Variants in EPHX2 observed in about 807,000 individuals in gnomAD.
The protein encoded by EPHX2 is epoxide hydrolase 2.
In EPHX2, 74 loss-of-function variants were observed where a neutral mutation model predicts 78.7. The ratio of observed to expected loss-of-function variants is 0.94; its 90% CI spans 0.78 to 1.14. The LOEUF is 1.14. EPHX2 is among the 50% of genes most tolerant of loss of function. The pLI is 0.00. For missense variants in EPHX2, 715 were observed against 702.5 expected (o/e 1.02, Z -0.20); for synonymous variants, 251 against 255.2 (o/e 0.98, Z 0.16).
rs1364851700 is a variant in EPHX2, at chr8:27,541,461, A to G, written c.1380-12A>G. The G allele has an allele frequency of 1.9e-6, 3 of 1,613,866 alleles. No individual in the cohort carries two copies. In the African/African-American group the frequency reaches 4.0e-5, roughly 22 times the overall value. ...ACTGCCTCCCTCTTTTTACTTTCTG[A>G]TCTCTCCCCAGAGGTCCTCTAAACT... On this transcript the variant is annotated splice_polypyrimidine_tract_variant and intron_variant, in intron 15 of 18. Transcript: ENST00000521400.
chr8:27,507,467 G>T (rs896619203), intron 5 of EPHX2, among the ~76,000 whole-genome samples: 12 of 152,152 alleles, frequency 7.9e-5, no homozygotes, highest in African/African-American at 2.7e-4. Context: ...CCCTGGGGTT[G>T]CCTGGGGATT....
intron 1 of EPHX2, chr8:27,493,178 A>C (rs1266432216): frequency 6.5e-6 from 1 of 154,646 alleles, no homozygotes; most frequent in African/African-American, 2.4e-5. Context: ...GAGTAATAGC[A>C]AGATGGCTGT....
At chr8:27,511,983 C>G in intron 6 of EPHX2, 73 bp downstream of exon 6, 2 of 1,451,450 alleles carry the variant, frequency 1.4e-6, no homozygotes, top group Non-Finnish European at 1.9e-6. Context: ...GCAGAGACAC[C>G]CAAGAGGCTG....
chr8:27,511,806 T>A (rs1357190672), intron 5 of EPHX2, 30 bp from the exon 6 acceptor site: 2 of 1,610,800 alleles, frequency 1.2e-6, no homozygotes, highest in Admixed American at 3.3e-5. Context: ...GCTGCTGCTG[T>A]CTCTCTCACT....
At chr8:27,522,962 CAAAAAAAAAAAAAAA>C (rs539360462) in intron 11 of EPHX2, among the ~76,000 whole-genome samples, 4 of 62,682 alleles carry the variant, frequency 6.4e-5, no homozygotes, top group African/African-American at 1.8e-4. Flanking sequence ...ACTCCGTTTC[CAAAAAAAAAAAAAAA>C]AAAAAAAAAA....
In EPHX2 at chr8:27,541,046, G is replaced by A. The variant is rs1815382585; in HGVS notation, c.1379+390G>A. 2.0e-5 allele frequency among the ~76,000 whole-genome samples: 3 copies of A among 152,134 alleles called. No homozygotes were observed. The South Asian group carries it at 6.2e-4, about 32-fold the overall frequency. ...CCTACTTCCTGATGTCATATTAGGA[G>A]GGGGCATCTTTGCTCCACCTCCCAA... On this transcript the variant is annotated intron_variant, in intron 15 of 18. Coordinates refer to ENST00000521400, the MANE Select transcript of EPHX2 (RefSeq NM_001979.6).
rs372752585 is a variant in EPHX2, at chr8:27,520,228, C to A, written c.946-655C>A. Reference sequence around the variant, plus strand: ...TTGCCCAGGCTAGAGTGCAGTGGTGCGATCTCAGCTCACTGCAACCTCCGC... The same window carrying A: ...TTGCCCAGGCTAGAGTGCAGTGGTGAGATCTCAGCTCACTGCAACCTCCGC... On this transcript the variant is annotated intron_variant, in intron 9 of 18. Coordinates refer to ENST00000521400, the MANE Select transcript of EPHX2 (RefSeq NM_001979.6). Among the ~76,000 whole-genome samples, 52 of 151,498 alleles carry A rather than the reference C, an allele frequency of 3.4e-4. No individual in the cohort carries two copies. In the East Asian group the frequency reaches 7.8e-3, roughly 23 times the overall value.
intron 14 of EPHX2, 37 bp downstream of exon 14, chr8:27,538,729 A>C: frequency 1.2e-6 from 2 of 1,605,370 alleles, no homozygotes; most frequent in East Asian, 4.5e-5. Flanking sequence ...ATCTGGAACC[A>C]GCTGAATGTT....
At position 27,537,517 on chromosome 8, in the gene EPHX2, A is replaced by G. The variant is rs374068386; in HGVS notation, c.1242+662A>G. On this transcript the variant is annotated intron_variant, in intron 13 of 18. Transcript: ENST00000521400. Reference sequence around the variant, plus strand: ...TTGCTTGTGAGTCAGCCTCGGGTCTAACCTCCTATACATTAATTGTCTTAG... The same window carrying G: ...TTGCTTGTGAGTCAGCCTCGGGTCTGACCTCCTATACATTAATTGTCTTAG... 8.5e-5 allele frequency among the ~76,000 whole-genome samples: 13 copies of G among 152,206 alleles called. No homozygotes were observed. In the East Asian group the frequency reaches 1.5e-3, roughly 18 times the overall value.
rs1295022720 is a variant in EPHX2 at position 27,511,411 on chromosome 8, T to TCAGTGGC, written c.661-414_661-408dup. On this transcript the variant is annotated intron_variant, in intron 5 of 18. Transcript: ENST00000521400. ...TTTTTGCTTCTTGCTTATATGGAGT[T>TCAGTGGC]CAGTGGCCAGTGGCCAGGGGCTTCG... Among the ~76,000 whole-genome samples the TCAGTGGC allele has an allele frequency of 2.6e-5, 4 of 152,230 alleles. No individual in the cohort carries two copies. The East Asian group carries it at 5.8e-4, about 22-fold the overall frequency.
At chr8:27,533,703 T>G (rs1677537017) in intron 12 of EPHX2, among the ~76,000 whole-genome samples, 1 of 152,192 alleles carries the variant, frequency 6.6e-6, no homozygotes, top group African/African-American at 2.4e-5. Flanking sequence ...TCCTCCTGCC[T>G]CATTCTCCCT....
chr8:27,517,844 T>A (rs1325292966), intron 8 of EPHX2, among the ~76,000 whole-genome samples, 194 bp from the exon 9 acceptor site: 3 of 152,166 alleles, frequency 2.0e-5, no homozygotes, highest in African/African-American at 7.2e-5. Flanking sequence ...CAGATGGATA[T>A]GACATCAAAA....
In EPHX2 at chr8:27,516,399, G is replaced by C; in HGVS notation, c.910+1G>C. The C allele has an allele frequency of 6.2e-7, 1 of 1,613,892 alleles. No individual in the cohort carries two copies. Among genetic ancestry groups the C allele is most frequent in the Non-Finnish European group, 8.5e-7 (1 of 1,179,826 alleles). Reference sequence around the variant, plus strand: ...TATGGAGAGTCATCTGCTCCTCCCGGTGGGTGTGCTGTCTTGCAGCTGTCT... The same window carrying C: ...TATGGAGAGTCATCTGCTCCTCCCGCTGGGTGTGCTGTCTTGCAGCTGTCT... On this transcript the variant is annotated splice_donor_variant, in intron 8 of 18. Coordinates refer to ENST00000521400, the MANE Select transcript of EPHX2 (RefSeq NM_001979.6). LOFTEE classifies it high-confidence loss of function.
chr8:27,504,867 G>A (rs1563342630), intron 3 of EPHX2, 89 bp from the exon 4 acceptor site: 2 of 1,348,184 alleles, frequency 1.5e-6, no homozygotes, highest in Non-Finnish European at 1.0e-6. Context: ...CAACCTGCTT[G>A]GCCCATCATT....
intron 14 of EPHX2, 44 bp downstream of exon 14, chr8:27,538,736 T>A (rs372046076): frequency 8.8e-6 from 14 of 1,599,620 alleles, no homozygotes; most frequent in Non-Finnish European, 1.2e-5. Flanking sequence ...ACCAGCTGAA[T>A]GTTAAAGGGA....
intron 1 of EPHX2, among the ~76,000 whole-genome samples, chr8:27,498,960 G>T (rs529686959): frequency 2.0e-5 from 3 of 152,336 alleles, no homozygotes; most frequent in Admixed American, 2.0e-4. Flanking sequence ...ATTTCTTGCA[G>T]TTATGGAGGC....
rs1236028349 is a variant in EPHX2 at position 27,536,774 on chromosome 8, AT to A, written c.1171-8del. 6 of 1,608,464 alleles carry A rather than the reference AT, an allele frequency of 3.7e-6. No homozygotes were observed. The African/African-American group carries it at 8.1e-5, about 22-fold the overall frequency. On this transcript the variant is annotated splice_polypyrimidine_tract_variant and intron_variant, in intron 12 of 18. Coordinates refer to ENST00000521400, the MANE Select transcript of EPHX2 (RefSeq NM_001979.6). ...GGGGGTCCTTCATTTTGCTTTCTTG[AT>A]TGTTTTAGGGAGTGGCTGAGGCTGA...
chr8:27,531,219 A>G (rs1477942140), intron 12 of EPHX2, among the ~76,000 whole-genome samples: 1 of 152,222 alleles, frequency 6.6e-6, no homozygotes, highest in South Asian at 2.1e-4. Context: ...CTGACCTTCA[A>G]CGAGGCACTT....
chr8:27,542,412 C>G (rs1160033439), intron 16 of EPHX2, among the ~76,000 whole-genome samples: 2 of 152,158 alleles, frequency 1.3e-5, no homozygotes, highest in African/African-American at 2.4e-5. Context: ...AAGAACAGTG[C>G]CTCCCTCACA....
Sources: gnomAD v4.1 joint callset for allele counts (sites outside exome capture counted in the v4.1 genomes callset) on GRCh38, gnomAD v4.1.1 for gene constraint, MANE v1.5 for transcripts, NCBI Gene and HGNC (gene_info 2026-07-23, HGNC 2026-07-21) for gene names.